The following PRSS23 variants were observed in gnomAD, a reference collection of about 807,000 sequenced individuals.
The protein encoded by PRSS23 is protease, serine 23.
A neutral mutation model predicts 34.7 loss-of-function variants in PRSS23; 25 were observed. The observed-to-expected ratio is 0.72, with a 90% confidence interval of 0.53 to 1.01. PRSS23 has a LOEUF of 1.01. Ranked by LOEUF, PRSS23 falls within the 50% of genes least tolerant of loss-of-function variation. The probability of loss-of-function intolerance (pLI) is 0.00; values close to 1 mark genes in which losing one functional copy is unlikely to be tolerated. For synonymous variants in PRSS23, 176 were observed against 186.6 expected (o/e 0.94, Z 0.46); for missense variants, 445 against 475.6 (o/e 0.94, Z 0.60).
intron 2 of PRSS23, among the ~76,000 whole-genome samples, chr11:86,841,921 A>C (rs764292997): frequency 6.6e-6 from 1 of 152,220 alleles, no homozygotes; most frequent in Non-Finnish European, 1.5e-5. Flanking sequence ...AATCCTCCCT[A>C]ACTCATTTTA....
chr11:86,858,063 T>A (rs1273289980), intron 2 of PRSS23: 2 of 215,844 alleles, frequency 9.3e-6, no homozygotes, highest in African/African-American at 4.7e-5. Flanking sequence ...CCTGTGATAC[T>A]GTTCCTAATA....
chr11:86,873,984 C>T (rs941886141), intron 2 of PRSS23, among the ~76,000 whole-genome samples: 1 of 152,052 alleles, frequency 6.6e-6, no homozygotes, highest in Admixed American at 6.5e-5. Context: ...ATTAGAAGTG[C>T]AAGACATAGA....
At chr11:86,899,208 T>G (rs1240062407) in intron 2 of PRSS23, among the ~76,000 whole-genome samples, 1 of 152,066 alleles carries the variant, frequency 6.6e-6, no homozygotes, top group Non-Finnish European at 1.5e-5. Context: ...AAGCTAAGTC[T>G]TCACAAGTCA....
chr11:86,859,390 A>G (rs867883350), intron 2 of PRSS23, among the ~76,000 whole-genome samples: 2 of 151,560 alleles, frequency 1.3e-5, no homozygotes, highest in Non-Finnish European at 2.9e-5. Flanking sequence ...TTGCAGGGAG[A>G]GTACACCCAC....
intron 2 of PRSS23, among the ~76,000 whole-genome samples, chr11:86,838,136 A>C (rs1299036537): frequency 6.6e-6 from 1 of 151,440 alleles, no homozygotes; most frequent in African/African-American, 2.4e-5. Flanking sequence ...AGTACACTTC[A>C]TGTGTTTACA....
intron 2 of PRSS23, among the ~76,000 whole-genome samples, chr11:86,844,802 A>G (rs773309376): frequency 2.0e-5 from 3 of 152,216 alleles, no homozygotes; most frequent in Non-Finnish European, 4.4e-5. Context: ...ATAATTGAGT[A>G]TGTTGGGCTG....
chr11:86,795,030 C>T (rs947687596), intron 1 of PRSS23, among the ~76,000 whole-genome samples: 53 of 152,240 alleles, frequency 3.5e-4, no homozygotes, highest in African/African-American at 1.2e-3. Context: ...TTAAAACTCT[C>T]TTGCCTGTAG....
intron 2 of PRSS23, among the ~76,000 whole-genome samples, chr11:86,920,104 G>A (rs568768536): frequency 6.6e-6 from 1 of 152,310 alleles, no homozygotes; most frequent in East Asian, 1.9e-4. Context: ...GGCTGCTAGT[G>A]CAGTCCCAGA....
chr11:86,859,073 T>C (rs1163447231), intron 2 of PRSS23, among the ~76,000 whole-genome samples: 1 of 151,816 alleles, frequency 6.6e-6, no homozygotes, highest in Non-Finnish European at 1.5e-5. Flanking sequence ...TTACACCAAA[T>C]GTCACAGGGA....
chr11:86,924,819 C>T (rs1949069845), intron 2 of PRSS23, among the ~76,000 whole-genome samples: 1 of 152,164 alleles, frequency 6.6e-6, no homozygotes, highest in Non-Finnish European at 1.5e-5. Context: ...CTCCAAGAGC[C>T]CAGCTTATTT....
At chr11:86,922,909 T>C (rs1473967483) in intron 2 of PRSS23, among the ~76,000 whole-genome samples, 5 of 152,200 alleles carry the variant, frequency 3.3e-5, no homozygotes, top group Admixed American at 3.3e-4. Flanking sequence ...CCTACCCTCA[T>C]ATGACTATTA....
At chr11:86,864,476 G>A (rs1488998470) in intron 2 of PRSS23, among the ~76,000 whole-genome samples, 1 of 152,238 alleles carries the variant, frequency 6.6e-6, no homozygotes, top group Non-Finnish European at 1.5e-5. Flanking sequence ...GGTGGCCAAT[G>A]ACAATCCTGG....
chr11:86,915,278 G>A (rs1565384887), intron 2 of PRSS23, among the ~76,000 whole-genome samples: 1 of 152,074 alleles, frequency 6.6e-6, no homozygotes, highest in South Asian at 2.1e-4. Context: ...ACTCAGGGTG[G>A]GTTAGGGAGC....
chr11:86,880,076 A>T (rs942247222), intron 2 of PRSS23, among the ~76,000 whole-genome samples: 102 of 152,056 alleles, frequency 6.7e-4, no homozygotes, highest in Non-Finnish European at 1.2e-3. Flanking sequence ...TAGACACGGG[A>T]GACTTTTCAT....
At chr11:86,872,306 A>G (rs938187803) in intron 2 of PRSS23, among the ~76,000 whole-genome samples, 3 of 152,266 alleles carry the variant, frequency 2.0e-5, no homozygotes, top group African/African-American at 7.2e-5. Flanking sequence ...TAAAATACAG[A>G]AACTATTTTC....
intron 2 of PRSS23, among the ~76,000 whole-genome samples, chr11:86,902,454 T>C (rs569199429): frequency 6.6e-6 from 1 of 152,326 alleles, no homozygotes; most frequent in South Asian, 2.1e-4. Context: ...TCACCCAAGC[T>C]TCGGCCACTT....
chr11:86,816,887 C>A (rs954567019), intron 1 of PRSS23, among the ~76,000 whole-genome samples: 2 of 152,134 alleles, frequency 1.3e-5, no homozygotes, highest in African/African-American at 4.8e-5. Context: ...GTTTAGTGTC[C>A]CAAATTCTCT....
At chr11:86,886,464 A>G (rs1292189116) in intron 2 of PRSS23, among the ~76,000 whole-genome samples, 2 of 152,162 alleles carry the variant, frequency 1.3e-5, no homozygotes, top group Non-Finnish European at 2.9e-5. Context: ...TTAAAACTGT[A>G]CTGCAGCTCA....
chr11:86,926,753 C>CA (rs1176599358), intron 2 of PRSS23, among the ~76,000 whole-genome samples: 11 of 152,216 alleles, frequency 7.2e-5, no homozygotes, highest in African/African-American at 2.7e-4. Context: ...ACCAAGCACT[C>CA]ATAGTTCAAC....
Sources: allele counts gnomAD v4.1 joint callset (sites outside exome capture counted in the v4.1 genomes callset), GRCh38; gene constraint gnomAD v4.1.1; transcripts MANE v1.5; gene names NCBI Gene and HGNC (gene_info 2026-07-23, HGNC 2026-07-21).